The following CSMD1 variants were observed in gnomAD, a reference collection of about 807,000 sequenced individuals.
CSMD1 encodes the protein CUB and Sushi multiple domains 1.
CSMD1 carries 213 observed loss-of-function variants against 417.5 expected under a neutral mutation model. That is an observed-to-expected ratio of 0.51 (90% CI 0.46 to 0.57). CSMD1 has a LOEUF of 0.57. CSMD1 is among the 20% of genes least tolerant of loss of function. The pLI is 0.00. For missense variants in CSMD1, 6,923 were observed against 4,529.7 expected (o/e 1.53, Z -15.17); for synonymous variants, 2,862 against 1,736.8 (o/e 1.65, Z -16.11).
chr8:4,641,377 T>C (rs1011179137), intron 1 of CSMD1, among the ~76,000 whole-genome samples: 1 of 152,116 alleles, frequency 6.6e-6, no homozygotes, highest in African/African-American at 2.4e-5. Flanking sequence ...TTTTTGCAGA[T>C]TTCTACTCCT....
chr8:4,535,590 G>T (rs918937619), intron 2 of CSMD1, among the ~76,000 whole-genome samples: 1 of 152,128 alleles, frequency 6.6e-6, no homozygotes, highest in African/African-American at 2.4e-5. Context: ...AGTCATCCAA[G>T]ATAGCATCTC....
At chr8:3,664,362 A>C (rs944159919) in intron 7 of CSMD1, among the ~76,000 whole-genome samples, 1 of 152,212 alleles carries the variant, frequency 6.6e-6, no homozygotes, top group Non-Finnish European at 1.5e-5. Flanking sequence ...ATTGGACTTC[A>C]TACAATGAAG....
intron 7 of CSMD1, among the ~76,000 whole-genome samples, chr8:3,617,060 C>G (rs1304305159): frequency 6.6e-6 from 1 of 152,028 alleles, no homozygotes; most frequent in Admixed American, 6.6e-5. Flanking sequence ...AATAAAAAAT[C>G]TCATTTGGTC....
chr8:3,265,527 T>A (rs1261759544), intron 26 of CSMD1, among the ~76,000 whole-genome samples: 6 of 152,050 alleles, frequency 3.9e-5, no homozygotes, highest in Admixed American at 3.9e-4. Context: ...GGAGTGAGTC[T>A]TAGAGAGAGG....
At chr8:4,007,665 A>G (rs191909364) in intron 4 of CSMD1, among the ~76,000 whole-genome samples, 1 of 151,072 alleles carries the variant, frequency 6.6e-6, no homozygotes, top group East Asian at 2.0e-4. Flanking sequence ...TGATAGAAGT[A>G]TTCTTTCTTC....
intron 50 of CSMD1, among the ~76,000 whole-genome samples, chr8:3,039,287 T>TCCC (rs1468725157): frequency 7.0e-6 from 1 of 143,688 alleles, no homozygotes; most frequent in Non-Finnish European, 1.5e-5. Context: ...CTTCCTTCTT[T>TCCC]TCCTTACTTC....
chr8:3,970,871 C>G (rs1045529768), intron 5 of CSMD1, among the ~76,000 whole-genome samples: 1 of 152,130 alleles, frequency 6.6e-6, no homozygotes, highest in Non-Finnish European at 1.5e-5. Flanking sequence ...CCTGCCTCAG[C>G]CTCCTGAGTA....
intron 1 of CSMD1, among the ~76,000 whole-genome samples, chr8:4,647,035 C>A (rs1221959451): frequency 6.6e-6 from 1 of 152,108 alleles, no homozygotes; most frequent in Non-Finnish European, 1.5e-5. Context: ...TCCTCTAGGC[C>A]ATCCAAAGTG....
At chr8:3,519,411 T>G (rs573052703) in intron 10 of CSMD1, among the ~76,000 whole-genome samples, 2 of 152,190 alleles carry the variant, frequency 1.3e-5, no homozygotes, top group African/African-American at 2.4e-5. Context: ...AGTCTGGTAA[T>G]TGCATGCTGG....
chr8:3,236,394 A>T (rs1799159475), intron 26 of CSMD1, among the ~76,000 whole-genome samples: 1 of 152,208 alleles, frequency 6.6e-6, no homozygotes, highest in Non-Finnish European at 1.5e-5. Flanking sequence ...AAAAGTTCCT[A>T]GAGTTAGCCA....
rs1797938259 is a variant in CSMD1 at position 3,217,342 on chromosome 8, C to G, written c.4672+1913G>C. ...CAGTTAGATGGCCATACCGGTTACC[C>G]AAACAAAAATTAAGGAAGTTCTTTC... On this transcript the variant is annotated intron_variant, in intron 29 of 69. Transcript: ENST00000635120. 1.3e-5 allele frequency among the ~76,000 whole-genome samples: 2 copies of G among 152,198 alleles called. 1 individual carries two copies. The highest frequency in any genetic ancestry group is 4.1e-4 in the South Asian group (2 of 4,830).
chr8:4,306,293 A>C (rs76944039), intron 3 of CSMD1, among the ~76,000 whole-genome samples: 2 of 151,908 alleles, frequency 1.3e-5, no homozygotes, highest in East Asian at 1.9e-4. Flanking sequence ...ATAGACACTA[A>C]ATAATATATA....
At chr8:4,902,785 C>A (rs1048135565) in intron 1 of CSMD1, among the ~76,000 whole-genome samples, 23 of 151,990 alleles carry the variant, frequency 1.5e-4, no homozygotes, top group African/African-American at 4.1e-4. Context: ...AGGCAGTAAA[C>A]ACAGTTACCA....
rs1296719286 is a variant in CSMD1 at position 3,982,956 on chromosome 8, C to CA, written c.818+14946dup. Among the ~76,000 whole-genome samples, 6 of 151,924 alleles carry CA rather than the reference C, an allele frequency of 3.9e-5. 1 individual carries two copies. Among genetic ancestry groups the CA allele is most frequent in the Non-Finnish European group, 7.4e-5 (5 of 67,990 alleles). Reference sequence around the variant, plus strand: ...TGCACTTTGCAGATGAAAAACAAAACAAACAAACAAACAAACGACAAATAG... The same window carrying CA: ...TGCACTTTGCAGATGAAAAACAAAACAAAACAAACAAACAAACGACAAATAG... On this transcript the variant is annotated intron_variant, in intron 5 of 69. Transcript: ENST00000635120.
At chr8:3,607,138 T>A (rs1330023854) in intron 8 of CSMD1, among the ~76,000 whole-genome samples, 1 of 152,222 alleles carries the variant, frequency 6.6e-6, no homozygotes, top group Non-Finnish European at 1.5e-5. Context: ...TTTCTATTGT[T>A]CTTTTTACTT....
intron 3 of CSMD1, among the ~76,000 whole-genome samples, chr8:4,190,184 G>C (rs542223555): frequency 6.6e-6 from 1 of 150,846 alleles, no homozygotes; most frequent in South Asian, 2.1e-4. Flanking sequence ...GCGTGAACCT[G>C]GGAGGTGGAG....
chr8:3,893,151 T>C (rs964888315), intron 5 of CSMD1, among the ~76,000 whole-genome samples: 1 of 150,994 alleles, frequency 6.6e-6, no homozygotes, highest in Non-Finnish European at 1.5e-5. Context: ...AATCAAAGAG[T>C]CTTTAGCCAA....
At chr8:3,383,047 G>A (rs1297182554) in intron 18 of CSMD1, among the ~76,000 whole-genome samples, 1 of 152,192 alleles carries the variant, frequency 6.6e-6, no homozygotes, top group African/African-American at 2.4e-5. Context: ...GCCAGCGCAT[G>A]TAGATAGCCA....
intron 3 of CSMD1, among the ~76,000 whole-genome samples, chr8:4,205,633 G>C (rs76719416): frequency 1.3e-5 from 2 of 152,166 alleles, no homozygotes; most frequent in Non-Finnish European, 2.9e-5. Context: ...GCCACACAGA[G>C]TGAGAAAGCC....
Sources: allele counts gnomAD v4.1 joint callset (sites outside exome capture counted in the v4.1 genomes callset), GRCh38; gene constraint gnomAD v4.1.1; transcripts MANE v1.5; gene names NCBI Gene and HGNC (gene_info 2026-07-23, HGNC 2026-07-21).